Variants in PCLO observed in about 807,000 individuals in gnomAD.
PCLO encodes piccolo presynaptic cytomatrix protein.
PCLO carries 82 observed loss-of-function variants against 427.5 expected under a neutral mutation model. The observed-to-expected ratio is 0.19, with a 90% CI of 0.16 to 0.23. The LOEUF (loss-of-function observed/expected upper bound fraction) is 0.23. Among genes scored for constraint, PCLO ranks in the 10% least tolerant of loss-of-function variants. The pLI is 1.00. For missense variants in PCLO, 6,239 were observed against 6,115.9 expected (o/e 1.02, Z -0.67); for synonymous variants, 2,357 against 2,155.4 (o/e 1.09, Z -2.59).
chr7:82,860,658 C>T (rs1792929503), intron 10 of PCLO, among the ~76,000 whole-genome samples: 1 of 152,006 alleles, frequency 6.6e-6, no homozygotes, highest in South Asian at 2.1e-4. Context: ...CAGAGAAACA[C>T]ATATTATTAT....
In PCLO at chr7:82,913,920, A is replaced by G. The variant is rs574645800; in HGVS notation, c.13300+766T>C. Among the ~76,000 whole-genome samples the G allele has an allele frequency of 5.9e-5, 9 of 152,212 alleles. No individual in the cohort carries two copies. In the East Asian group the frequency reaches 1.4e-3, roughly 23 times the overall value. ...AAAAGGCTAAATGGGCAAATCAGGA[A>G]GGTTTGAACTCTAAATAACTAAAAT... On this transcript the variant is annotated intron_variant, in intron 7 of 24. Transcript: ENST00000333891.
rs752057599 is a variant in PCLO at position 82,966,034 on chromosome 7, C to T, written c.3754G>A (p.Ala1252Thr). 2.5e-6 allele frequency: 4 copies of T among 1,613,228 alleles called. No individual in the cohort carries two copies. Among genetic ancestry groups the T allele is most frequent in the East Asian group, 2.2e-5 (1 of 44,884 alleles). The stretch of plus-strand genomic sequence containing the variant: ...TGTTCTTCTGGGGCTGATGTTTTTG[C>T]CTCTGGGAGTAGCTTTTTGTCTTCA... ...TPEDKKLLPEAKTSAPEEQKH... is the reference protein window; with the variant it reads ...TPEDKKLLPETKTSAPEEQKH... Residue 1252 changes from alanine (A) to threonine (T), a missense_variant, in exon 4 of 25, where the codon GCA becomes ACA. This residue lies in a region of PCLO where 4,677 missense variants were observed against 4,468.4 expected (regional missense o/e 1.05). Transcript: ENST00000333891.
rs563836274 is a variant in PCLO at position 82,976,444 on chromosome 7, T to C, written c.3301-9957A>G. ...GAACAAATCTCTATACCAAATCTCT[T>C]ATTATATATATTTTAAACTTCCTAA... On this transcript the variant is annotated intron_variant, in intron 3 of 24. Coordinates refer to ENST00000333891, the MANE Select transcript of PCLO (RefSeq NM_033026.6). 3.5e-3 allele frequency among the ~76,000 whole-genome samples: 538 copies of C among 152,268 alleles called. 2 individuals are homozygous for C. Among genetic ancestry groups the C allele is most frequent in the Non-Finnish European group, 5.8e-3 (395 of 68,022 alleles).
intron 3 of PCLO, among the ~76,000 whole-genome samples, chr7:83,030,297 A>T (rs973654136): frequency 2.4e-4 from 37 of 152,238 alleles, no homozygotes; most frequent in Non-Finnish European, 7.4e-5. Flanking sequence ...CTCAATATTT[A>T]AAAAAACTCT....
chr7:82,761,018 A>T (rs1256840496), intron 23 of PCLO, among the ~76,000 whole-genome samples: 1 of 140,100 alleles, frequency 7.1e-6, no homozygotes, highest in East Asian at 2.1e-4. Context: ...GTGGCCAGAT[A>T]ACTCACTTAA....
chr7:82,991,960 G>T (rs1277425943), intron 3 of PCLO, among the ~76,000 whole-genome samples: 2 of 151,988 alleles, frequency 1.3e-5, no homozygotes, highest in African/African-American at 2.4e-5. Context: ...TCTATTAGTG[G>T]CTCAAGAGAC....
intron 3 of PCLO, among the ~76,000 whole-genome samples, chr7:82,993,353 C>A (rs1796421701): frequency 6.6e-6 from 1 of 151,890 alleles, no homozygotes; most frequent in Non-Finnish European, 1.5e-5. Context: ...TATGAATCTG[C>A]AACACAAGGA....
intron 3 of PCLO, among the ~76,000 whole-genome samples, chr7:83,026,367 C>A (rs1252079090): frequency 2.6e-5 from 4 of 152,040 alleles, no homozygotes; most frequent in African/African-American, 9.7e-5. Flanking sequence ...AAGGCCATTA[C>A]ATAATGGTAA....
At chr7:83,119,753 C>T (rs1791226347) in intron 3 of PCLO, among the ~76,000 whole-genome samples, 1 of 148,150 alleles carries the variant, frequency 6.7e-6, no homozygotes, top group South Asian at 2.1e-4. Flanking sequence ...ACGGAGAATT[C>T]AAAATAGCTG....
rs562542386 is a variant in PCLO, at chr7:83,013,810, T to C, written c.3301-47323A>G. 2.9e-4 allele frequency among the ~76,000 whole-genome samples: 44 copies of C among 152,340 alleles called. No individual in the cohort carries two copies. The South Asian group carries it at 7.9e-3, about 27-fold the overall frequency. On this transcript the variant is annotated intron_variant, in intron 3 of 24. Transcript: ENST00000333891. ...CAAAATTGCAAGTCACTTAGTGTTTTTGGAAATAGCACAATAATCATTAGA... is the reference window on the plus strand; with the variant it reads ...CAAAATTGCAAGTCACTTAGTGTTTCTGGAAATAGCACAATAATCATTAGA...
Position 83,155,910 on chromosome 7 carries a change from G to A in PCLO, c.731C>T (p.Pro244Leu). The change falls in exon 2 of 25, where the codon CCA (proline) becomes CTA (leucine). Residue 244 changes from proline to leucine, a missense_variant. This residue lies in a region of PCLO where 4,677 missense variants were observed against 4,468.4 expected (regional missense o/e 1.05). Transcript: ENST00000333891. ...GTPKSISSQQ[P>L]EKIKSQPPGT... ...TGGAGGTTGTGATTTAATTTTTTCTGGTTGTTGAGAAGATATTGATTTGGG... is the reference window on the plus strand; with the variant it reads ...TGGAGGTTGTGATTTAATTTTTTCTAGTTGTTGAGAAGATATTGATTTGGG... 1.5e-5 allele frequency: 24 copies of A among 1,613,910 alleles called. No individual in the cohort carries two copies. Among genetic ancestry groups the A allele is most frequent in the Non-Finnish European group, 2.0e-5 (24 of 1,179,868 alleles).
chr7:82,965,316 C>CTT (rs544516132), intron 4 of PCLO, among the ~76,000 whole-genome samples: 246 of 123,062 alleles, frequency 2.0e-3, no homozygotes, highest in African/African-American at 6.9e-3. Context: ...TTCTTTCTTT[C>CTT]TTTTTTTTTT....
At chr7:83,136,791 C>CAT (rs1018184577) in intron 2 of PCLO, among the ~76,000 whole-genome samples, 14 of 151,934 alleles carry the variant, frequency 9.2e-5, no homozygotes, top group Non-Finnish European at 1.6e-4. Context: ...ATGAGATATA[C>CAT]ATATATATAC....
At chr7:82,919,072 A>C (rs1794535695) in intron 6 of PCLO, among the ~76,000 whole-genome samples, 1 of 151,924 alleles carries the variant, frequency 6.6e-6, no homozygotes, top group African/African-American at 2.4e-5. Context: ...GTAGGCTTGC[A>C]CTTCTTGTGT....
intron 6 of PCLO, among the ~76,000 whole-genome samples, chr7:82,938,180 A>C (rs1445859536): frequency 6.6e-6 from 1 of 151,940 alleles, no homozygotes; most frequent in Admixed American, 6.6e-5. Flanking sequence ...AGAAATACAG[A>C]AATGTTTAAT....
rs772303643 is a variant in PCLO, at chr7:82,951,073, G to T, written c.9515C>A (p.Ser3172Tyr). The T allele has an allele frequency of 2.5e-6, 4 of 1,613,884 alleles. No homozygotes were observed. The South Asian group carries it at 4.4e-5, about 18-fold the overall frequency. ...SASLQTITMESLTAETIDSVP... is the reference protein window; with the variant it reads ...SASLQTITMEYLTAETIDSVP... ...AGAGTCTATCGTCTCAGCAGTAAGAGACTCCATAGTAATAGTTTGCAAACT... is the reference window on the plus strand; with the variant it reads ...AGAGTCTATCGTCTCAGCAGTAAGATACTCCATAGTAATAGTTTGCAAACT... Residue 3172 changes from serine (S) to tyrosine (Y), a missense_variant, in exon 6 of 25, where the codon TCT (serine) becomes TAT (tyrosine). Coordinates refer to ENST00000333891, the MANE Select transcript of PCLO (RefSeq NM_033026.6).
intron 22 of PCLO, among the ~76,000 whole-genome samples, chr7:82,800,037 T>C (rs937108926): frequency 6.6e-6 from 1 of 152,072 alleles, no homozygotes; most frequent in African/African-American, 2.4e-5. Context: ...CTAATCAACA[T>C]ATAAGAGAGA....
At chr7:83,082,118 C>T (rs867777793) in intron 3 of PCLO, among the ~76,000 whole-genome samples, 7 of 148,904 alleles carry the variant, frequency 4.7e-5, no homozygotes, top group Non-Finnish European at 6.0e-5. Context: ...CTATACTATA[C>T]ACACACACAC....
intron 3 of PCLO, among the ~76,000 whole-genome samples, chr7:83,026,008 A>G (rs1010918199): frequency 6.6e-6 from 1 of 152,182 alleles, no homozygotes. Context: ...TCATGCCAAA[A>G]TGTAAAGACC....
Sources: gnomAD v4.1 joint callset for allele counts (sites outside exome capture counted in the v4.1 genomes callset) on GRCh38, gnomAD v4.1.1 for gene constraint, gnomAD v4.1.1 regional missense constraint, MANE v1.5 for transcripts, NCBI Gene and HGNC (gene_info 2026-07-23, HGNC 2026-07-21) for gene names.